SPEF2: variants seen among roughly 807,000 people sequenced by gnomAD.
The protein encoded by SPEF2 is sperm flagellar and cilia associated 2, also known as sperm flagella and cilia-associated protein 2.
A neutral mutation model predicts 224.6 loss-of-function variants in SPEF2; 187 were observed. The observed-to-expected ratio is 0.83, with a 90% CI of 0.74 to 0.94. SPEF2 has a LOEUF of 0.94. SPEF2 is among the 40% of genes least tolerant of loss of function. The probability of loss-of-function intolerance (pLI) is 0.00; values close to 1 mark genes in which losing one functional copy is unlikely to be tolerated. For synonymous variants in SPEF2, 715 were observed against 707.3 expected (o/e 1.01, Z -0.17); for missense variants, 2,170 against 2,135.6 (o/e 1.02, Z -0.32).
intron 21 of SPEF2, among the ~76,000 whole-genome samples, chr5:35,734,115 A>AAAGGC (rs1746125318): frequency 6.6e-6 from 1 of 152,192 alleles, no homozygotes; most frequent in Non-Finnish European, 1.5e-5. Flanking sequence ...AAGAACTAAT[A>AAAGGC]AAGGCTTGAA....
At chr5:35,807,363 G>C in intron 36 of SPEF2, 110 bp downstream of exon 36, 1 of 1,429,282 alleles carries the variant, frequency 7.0e-7, no homozygotes, top group Non-Finnish European at 9.4e-7. Context: ...TACTCTGCCA[G>C]GCCAGGCCAG....
chr5:35,705,996 C>G (rs553092407), intron 18 of SPEF2, among the ~76,000 whole-genome samples, 188 bp downstream of exon 18: 63 of 150,854 alleles, frequency 4.2e-4, no homozygotes, highest in African/African-American at 1.4e-3. Context: ...GATTTTTTCT[C>G]TCTCTTATTT....
chr5:35,708,632 TCACCTC>T (rs1740385062), intron 18 of SPEF2, among the ~76,000 whole-genome samples: 1 of 3,276 alleles, frequency 3.1e-4, no homozygotes, highest in Admixed American at 3.5e-3. Flanking sequence ...TCCACCACCA[TCACCTC>T]TACCAGCACC....
intron 23 of SPEF2, among the ~76,000 whole-genome samples, chr5:35,752,860 A>G (rs545297997): frequency 6.6e-5 from 10 of 151,678 alleles, no homozygotes; most frequent in South Asian, 2.1e-4. Flanking sequence ...ATAGTGACTT[A>G]TGTTCCGACA....
At chr5:35,790,172 G>A in intron 30 of SPEF2, 1 of 702,342 alleles carries the variant, frequency 1.4e-6, no homozygotes. Flanking sequence ...AGATGAAATG[G>A]ACCAAGTCAC....
At position 35,618,045 on chromosome 5, in the gene SPEF2, C is replaced by T. The variant is rs148130830; in HGVS notation, c.48C>T (p.Ser16=). The T allele has an allele frequency of 1.3e-6, 2 of 1,585,054 alleles. No homozygotes were observed. The highest frequency in any genetic ancestry group is 1.7e-6 in the Non-Finnish European group (2 of 1,163,130). Residue 16 remains serine (S), a synonymous_variant, in exon 1 of 37, where the codon TCC becomes TCT. Coordinates refer to ENST00000356031, the MANE Select transcript of SPEF2 (RefSeq NM_024867.4). ...GGCTCAACAAGGAGTTGAAGGTGTC[C>T]CGGACCGTGAGTGAGTGACCACGGC... ...CQWLNKELKV[S]RTVSPKSFAK... is the part of the protein sequence containing the mutation.
At chr5:35,774,076 C>G in intron 28 of SPEF2, 55 bp downstream of exon 28, 2 of 1,584,196 alleles carry the variant, frequency 1.3e-6, no homozygotes, top group Admixed American at 3.5e-5. Context: ...GACCAGTAGC[C>G]AAACAGCCCA....
At chr5:35,619,084 G>A (rs776895284) in intron 1 of SPEF2, among the ~76,000 whole-genome samples, 1 of 152,246 alleles carries the variant, frequency 6.6e-6, no homozygotes, top group South Asian at 2.1e-4. Flanking sequence ...TTAGCACGGA[G>A]CATCTCCTGT....
chr5:35,637,751 G>A (rs1340537878), intron 2 of SPEF2, among the ~76,000 whole-genome samples: 3 of 152,080 alleles, frequency 2.0e-5, no homozygotes, highest in Non-Finnish European at 2.9e-5. Context: ...GTTAGCCCCA[G>A]CTGCCCCCTC....
intron 23 of SPEF2, among the ~76,000 whole-genome samples, chr5:35,749,860 A>G (rs1749131378): frequency 6.6e-6 from 1 of 152,158 alleles, no homozygotes; most frequent in Non-Finnish European, 1.5e-5. Flanking sequence ...CAATTCTAAA[A>G]TTCATATGGA....
At chr5:35,736,678 G>A (rs1277015865) in intron 21 of SPEF2, among the ~76,000 whole-genome samples, 1 of 152,210 alleles carries the variant, frequency 6.6e-6, no homozygotes, top group East Asian at 1.9e-4. Context: ...TGGAGACACA[G>A]AGCCAAACCA....
rs182409997 is a variant in SPEF2 at position 35,787,159 on chromosome 5, A to G, written c.4448-5181A>G. On this transcript the variant is annotated intron_variant, in intron 30 of 36. Coordinates refer to ENST00000356031, the MANE Select transcript of SPEF2 (RefSeq NM_024867.4). ...GTCCCCTTGTGTGACAAATAATCAA[A>G]TATGTCTCAAAAATTAGACGTTTGG... is the stretch of plus-strand genomic sequence containing the variant. 4.0e-4 allele frequency among the ~76,000 whole-genome samples: 61 copies of G among 152,244 alleles called. 1 individual carries two copies. The East Asian group carries it at 0.011, about 27-fold the overall frequency.
At chr5:35,634,346 T>G (rs1745537052) in intron 2 of SPEF2, among the ~76,000 whole-genome samples, 2 of 152,144 alleles carry the variant, frequency 1.3e-5, no homozygotes, top group Non-Finnish European at 2.9e-5. Flanking sequence ...GCCTCCCTAA[T>G]TTCTGACAAG....
intron 21 of SPEF2, among the ~76,000 whole-genome samples, chr5:35,730,942 A>G (rs7709463): frequency 0.66 from 100,259 of 152,010 alleles, 33,674 homozygotes; most frequent in African/African-American, 0.76. Context: ...ACAGGGGAGA[A>G]GAGCAGTAGG....
At chr5:35,732,107 A>C (rs969067476) in intron 21 of SPEF2, among the ~76,000 whole-genome samples, 4 of 152,206 alleles carry the variant, frequency 2.6e-5, no homozygotes, top group Non-Finnish European at 4.4e-5. Context: ...CCTGCACAGC[A>C]AGAATAAGTC....
intron 6 of SPEF2, among the ~76,000 whole-genome samples, chr5:35,652,667 G>A (rs1415401027): frequency 6.6e-6 from 1 of 152,118 alleles, no homozygotes; most frequent in African/African-American, 2.4e-5. Flanking sequence ...CACAGGTGCA[G>A]GCAGAAGAAA....
intron 7 of SPEF2, 66 bp downstream of exon 7, chr5:35,654,792 A>C: frequency 2.1e-6 from 3 of 1,396,970 alleles, no homozygotes; most frequent in Non-Finnish European, 2.9e-6. Flanking sequence ...TCTTCTATAC[A>C]CATAATATGT....
At chr5:35,758,870 G>A (rs1051599121) in intron 24 of SPEF2, among the ~76,000 whole-genome samples, 5 of 151,822 alleles carry the variant, frequency 3.3e-5, no homozygotes, top group Admixed American at 6.6e-5. Flanking sequence ...GGAGGGCATG[G>A]GGTCAGGGCC....
chr5:35,788,904 T>C, intron 30 of SPEF2: 1 of 703,006 alleles, frequency 1.4e-6, no homozygotes. Flanking sequence ...AGAACTGCTT[T>C]CAAAGGCCTT....
Sources: gnomAD v4.1 joint callset for allele counts (sites outside exome capture counted in the v4.1 genomes callset) on GRCh38, gnomAD v4.1.1 for gene constraint, MANE v1.5 for transcripts, NCBI Gene and HGNC (gene_info 2026-07-23, HGNC 2026-07-21) for gene names.